The following NALF1 variants were observed in gnomAD, a reference collection of about 807,000 sequenced individuals.
NALF1 encodes family with sequence similarity 155 member A.
In NALF1, 3 loss-of-function variants were observed where a neutral mutation model predicts 48.4. The ratio of observed to expected loss-of-function variants is 0.06; its 90% confidence interval spans 0.03 to 0.16. NALF1 has a LOEUF of 0.16. Ranked by LOEUF, NALF1 falls within the 10% of genes least tolerant of loss-of-function variation. NALF1 has a pLI of 1.00. For missense variants in NALF1, 526 were observed against 571.5 expected, an observed-to-expected ratio of 0.92 and a Z score of 0.81; for synonymous variants, 262 against 245.7, an observed-to-expected ratio of 1.07 and a Z score of -0.62.
intron 1 of NALF1, among the ~76,000 whole-genome samples, chr13:107,723,383 A>G (rs1005774593): frequency 6.6e-6 from 1 of 152,112 alleles, no homozygotes; most frequent in Non-Finnish European, 1.5e-5. Flanking sequence ...TTGTGTTCCC[A>G]TCATTTTTTT....
Position 107,618,646 on chromosome 13 carries a change from T to C in NALF1, c.915+247036A>G, listed in dbSNP as rs577190952. Among the ~76,000 whole-genome samples, 11 of 152,188 alleles carry C rather than the reference T, an allele frequency of 7.2e-5. 1 individual carries two copies. In the South Asian group the frequency reaches 2.3e-3, roughly 32 times the overall value. On this transcript the variant is annotated intron_variant, in intron 1 of 2. Coordinates refer to ENST00000375915, the MANE Select transcript of NALF1 (RefSeq NM_001080396.3). Reference sequence around the variant, plus strand: ...GGGTAGCTGAATTTGAGATGCAATTTGGAGGATTTGCTGGAAGACTTCATG... The same window carrying C: ...GGGTAGCTGAATTTGAGATGCAATTCGGAGGATTTGCTGGAAGACTTCATG...
intron 1 of NALF1, among the ~76,000 whole-genome samples, chr13:107,532,550 G>T (rs1419850973): frequency 1.3e-5 from 2 of 152,020 alleles, no homozygotes; most frequent in African/African-American, 2.4e-5. Context: ...AAGGCTTACA[G>T]TGTGGTATAG....
intron 1 of NALF1, among the ~76,000 whole-genome samples, chr13:107,488,710 G>T (rs1487818445): frequency 6.6e-6 from 1 of 152,178 alleles, no homozygotes; most frequent in South Asian, 2.1e-4. Flanking sequence ...TTGAAAACTG[G>T]CACAAGAGAA....
chr13:107,224,706 T>C (rs1007322679), intron 1 of NALF1, among the ~76,000 whole-genome samples: 1 of 152,100 alleles, frequency 6.6e-6, no homozygotes, highest in African/African-American at 2.4e-5. Context: ...AAAGATAATT[T>C]TAAATCAATA....
At chr13:107,773,575 T>G (rs1170586740) in intron 1 of NALF1, among the ~76,000 whole-genome samples, 1 of 152,004 alleles carries the variant, frequency 6.6e-6, no homozygotes, top group East Asian at 1.9e-4. Flanking sequence ...TCTACAAAGA[T>G]CTCTTATTTT....
chr13:107,527,739 A>C (rs1876492670), intron 1 of NALF1, among the ~76,000 whole-genome samples: 1 of 152,126 alleles, frequency 6.6e-6, no homozygotes, highest in South Asian at 2.1e-4. Flanking sequence ...TGATGATTAC[A>C]TAAGGAGAAA....
intron 1 of NALF1, among the ~76,000 whole-genome samples, chr13:107,762,738 T>C (rs556791953): frequency 2.6e-5 from 4 of 152,300 alleles, no homozygotes; most frequent in African/African-American, 9.6e-5. Flanking sequence ...GAAAAAGTTA[T>C]AGAGATCTGT....
intron 1 of NALF1, among the ~76,000 whole-genome samples, chr13:107,240,367 T>C (rs1880441944): frequency 6.6e-6 from 1 of 152,202 alleles, no homozygotes; most frequent in Non-Finnish European, 1.5e-5. Context: ...CTGGTAGATT[T>C]TTATAGTAGT....
chr13:107,813,502 C>T (rs955655495), intron 1 of NALF1, among the ~76,000 whole-genome samples: 1 of 152,044 alleles, frequency 6.6e-6, no homozygotes, highest in Non-Finnish European at 1.5e-5. Context: ...TTCCCATTTT[C>T]TCATAAGGTT....
intron 1 of NALF1, among the ~76,000 whole-genome samples, chr13:107,376,334 T>C (rs1883338426): frequency 6.6e-6 from 1 of 152,128 alleles, no homozygotes; most frequent in African/African-American, 2.4e-5. Context: ...GATAGGTGTG[T>C]GGGATTAAGA....
At chr13:107,306,057 C>A (rs1004605924) in intron 1 of NALF1, among the ~76,000 whole-genome samples, 37 of 152,078 alleles carry the variant, frequency 2.4e-4, no homozygotes, top group Admixed American at 2.2e-3. Context: ...TACTGAAGAT[C>A]GGTGATGTGT....
intron 1 of NALF1, among the ~76,000 whole-genome samples, chr13:107,746,906 A>C (rs188925119): frequency 6.6e-6 from 1 of 152,318 alleles, no homozygotes; most frequent in Non-Finnish European, 1.5e-5. Flanking sequence ...GAAATGGAAT[A>C]GAGACGTAAA....
At chr13:107,505,579 T>C (rs1875671356) in intron 1 of NALF1, among the ~76,000 whole-genome samples, 1 of 152,156 alleles carries the variant, frequency 6.6e-6, no homozygotes, top group African/African-American at 2.4e-5. Context: ...CATGGATGAC[T>C]GCAATGCGTG....
chr13:107,599,197 G>A (rs1046547861), intron 1 of NALF1, among the ~76,000 whole-genome samples: 46 of 152,188 alleles, frequency 3.0e-4, no homozygotes, highest in African/African-American at 9.2e-4. Context: ...GAGGCGGGCA[G>A]ATCACGAGGT....
intron 1 of NALF1, among the ~76,000 whole-genome samples, chr13:107,600,922 T>C (rs1339299007): frequency 1.3e-5 from 2 of 152,244 alleles, no homozygotes; most frequent in South Asian, 2.1e-4. Context: ...AGAAATGAGT[T>C]TGTGCTATTG....
chr13:107,771,268 A>G (rs756020059), intron 1 of NALF1, among the ~76,000 whole-genome samples: 31 of 109,592 alleles, frequency 2.8e-4, no homozygotes, highest in Non-Finnish European at 5.2e-4. Context: ...GTGTGTCAGT[A>G]TATGATAATT....
Position 107,291,506 on chromosome 13 carries a change from G to T in NALF1, c.916-80751C>A, listed in dbSNP as rs1051268266. On this transcript the variant is annotated intron_variant, in intron 1 of 2. Transcript: ENST00000375915. Reference sequence around the variant, plus strand: ...AGGTGTATACAAAAAAAAAAAAAATGAACTTCATGTTTAGACTTGGGTCCA... The same window carrying T: ...AGGTGTATACAAAAAAAAAAAAAATTAACTTCATGTTTAGACTTGGGTCCA... 8.1e-4 allele frequency among the ~76,000 whole-genome samples: 119 copies of T among 146,568 alleles called. 1 individual carries two copies. The highest frequency in any genetic ancestry group is 2.8e-3 in the African/African-American group (111 of 40,020).
At chr13:107,655,392 C>G (rs1880550213) in intron 1 of NALF1, among the ~76,000 whole-genome samples, 1 of 151,984 alleles carries the variant, frequency 6.6e-6, no homozygotes. Flanking sequence ...ATCAAGAATT[C>G]AACCCCTTTC....
At chr13:107,536,026 G>A (rs1876796015) in intron 1 of NALF1, among the ~76,000 whole-genome samples, 1 of 152,172 alleles carries the variant, frequency 6.6e-6, no homozygotes, top group South Asian at 2.1e-4. Flanking sequence ...CTAGCCATAT[G>A]TAGAAAGCTG....
Sources: allele counts gnomAD v4.1 joint callset (sites outside exome capture counted in the v4.1 genomes callset), GRCh38; gene constraint gnomAD v4.1.1; transcripts MANE v1.5; gene names NCBI Gene and HGNC (gene_info 2026-07-23, HGNC 2026-07-21).